SMAD6: variants seen among roughly 807,000 people sequenced by gnomAD.
SMAD6 encodes MAD homolog 6.
SMAD6 carries 103 observed loss-of-function variants against 39.4 expected under a neutral mutation model. The ratio of observed to expected loss-of-function variants is 2.62; its 90% CI spans 2.23 to 3.08. The LOEUF is 3.08. SMAD6 is among the 30% of genes most tolerant of loss of function. The pLI is 0.00. For synonymous variants in SMAD6, 445 were observed against 353.3 expected (o/e 1.26, Z -2.91); for missense variants, 1,104 against 742.9 (o/e 1.49, Z -5.65).
intron 3 of SMAD6, among the ~76,000 whole-genome samples, chr15:66,732,415 A>T (rs1893646425): frequency 6.6e-6 from 1 of 152,214 alleles, no homozygotes; most frequent in Non-Finnish European, 1.5e-5. Flanking sequence ...ACAGTGGTAC[A>T]GCCATGGCTC....
In SMAD6 at chr15:66,770,346, G is replaced by A. The variant is rs142962032; in HGVS notation, c.953-10651G>A. 8.5e-5 allele frequency among the ~76,000 whole-genome samples: 13 copies of A among 152,224 alleles called. No homozygotes were observed. The East Asian group carries it at 1.2e-3, about 14-fold the overall frequency. On this transcript the variant is annotated intron_variant, in intron 3 of 3. Transcript: ENST00000288840. ...GGCCCAGCCTGATGTAAGAACCGGC[G>A]CGGCCTGATGTAAGGCCGGTGCGGG...
At chr15:66,752,137 T>C (rs1291763921) in intron 3 of SMAD6, among the ~76,000 whole-genome samples, 2 of 151,368 alleles carry the variant, frequency 1.3e-5, no homozygotes, top group South Asian at 2.1e-4. Context: ...TTGCCCACTT[T>C]CAAGCTGAAG....
At chr15:66,778,655 G>A (rs1028432630) in intron 3 of SMAD6, among the ~76,000 whole-genome samples, 16 of 152,330 alleles carry the variant, frequency 1.1e-4, no homozygotes, top group African/African-American at 3.9e-4. Flanking sequence ...GAGGCTTAGG[G>A]AGGTAGAGGG....
intron 3 of SMAD6, among the ~76,000 whole-genome samples, chr15:66,764,061 A>T (rs1894249886): frequency 6.6e-6 from 1 of 152,250 alleles, no homozygotes; most frequent in Non-Finnish European, 1.5e-5. Context: ...GTTCAGGCTG[A>T]GTGAGTGGTG....
chr15:66,774,359 T>A (rs937300126), intron 3 of SMAD6, among the ~76,000 whole-genome samples: 3 of 152,188 alleles, frequency 2.0e-5, no homozygotes, highest in African/African-American at 7.2e-5. Context: ...TTGGTGTCCC[T>A]GCACCCCCAC....
At chr15:66,737,732 CAG>C (rs1400828543) in intron 3 of SMAD6, among the ~76,000 whole-genome samples, 1 of 151,996 alleles carries the variant, frequency 6.6e-6, no homozygotes, top group Non-Finnish European at 1.5e-5. Context: ...GCAAGTGAGC[CAG>C]GAAGTCATGC....
rs911652692 is a variant in SMAD6, at chr15:66,702,401, C to G, written c.-858C>G. On this transcript the variant is annotated 5_prime_UTR_variant, in exon 1 of 4. Transcript: ENST00000288840. The stretch of plus-strand genomic sequence containing the variant: ...CTGCCTCGCCAGACCTCGCTGGGAC[C>G]CCGGGGCCACCGGGAGGCACTTTTG... 5 of 151,736 alleles carry G rather than the reference C, an allele frequency of 3.3e-5. No homozygotes were observed. The highest frequency in any genetic ancestry group is 7.4e-5 in the Non-Finnish European group (5 of 67,878). The allele number at this position is 151,736 out of a possible 1,614,324, so 9.4% of individuals were successfully genotyped here.
intron 3 of SMAD6, among the ~76,000 whole-genome samples, chr15:66,753,338 C>T (rs1567108113): frequency 6.6e-6 from 1 of 152,220 alleles, no homozygotes; most frequent in Non-Finnish European, 1.5e-5. Flanking sequence ...ACCCCAGTCG[C>T]AGGGATCTGG....
chr15:66,740,895 C>A (rs1411232581), intron 3 of SMAD6: 1 of 152,186 alleles, frequency 6.6e-6, no homozygotes, highest in Non-Finnish European at 1.5e-5. Context: ...TTTCTGAGAT[C>A]CCTGGAGGGT....
At chr15:66,743,974 A>T (rs1466726919) in intron 3 of SMAD6, among the ~76,000 whole-genome samples, 2 of 152,044 alleles carry the variant, frequency 1.3e-5, no homozygotes, top group African/African-American at 4.8e-5. Flanking sequence ...AGAAACTATC[A>T]TAAAACATTG....
At chr15:66,754,811 G>T (rs1004849515) in intron 3 of SMAD6, among the ~76,000 whole-genome samples, 4 of 152,188 alleles carry the variant, frequency 2.6e-5, no homozygotes, top group Non-Finnish European at 4.4e-5. Flanking sequence ...AGGCAACAGT[G>T]AAAAGGACAG....
intron 3 of SMAD6, among the ~76,000 whole-genome samples, chr15:66,726,883 A>T (rs12898929): frequency 0.085 from 12,852 of 150,750 alleles, 615 homozygotes; most frequent in East Asian, 0.2. Context: ...TTTTTTTTTT[A>T]AATTCCCCAG....
At chr15:66,740,511 ACCTTGGGCAAATTCTTCAACCT>A (rs1893794766) in intron 3 of SMAD6, 1 of 151,960 alleles carries the variant, frequency 6.6e-6, no homozygotes, top group African/African-American at 2.4e-5. Context: ...TAGCTGTGTG[ACCTTGGGCAAATTCTTCAACCT>A]CTCTGAGTCT....
chr15:66,731,714 G>A (rs1232935524), intron 3 of SMAD6, among the ~76,000 whole-genome samples: 6 of 152,140 alleles, frequency 3.9e-5, no homozygotes, highest in Non-Finnish European at 4.4e-5. Context: ...TGTGAACATG[G>A]ATTTCAGTTC....
At chr15:66,746,575 A>T (rs1893913060) in intron 3 of SMAD6, among the ~76,000 whole-genome samples, 1 of 152,004 alleles carries the variant, frequency 6.6e-6, no homozygotes, top group Admixed American at 6.6e-5. Context: ...ATTAAAAGTC[A>T]CTCACTCATT....
chr15:66,769,015 A>G (rs1429833767), intron 3 of SMAD6, among the ~76,000 whole-genome samples: 3 of 152,202 alleles, frequency 2.0e-5, no homozygotes, highest in Non-Finnish European at 4.4e-5. Context: ...GGGCTGAGGA[A>G]GGCTTTCCAA....
chr15:66,719,877 A>G (rs1198759280), intron 3 of SMAD6, among the ~76,000 whole-genome samples: 1 of 152,110 alleles, frequency 6.6e-6, no homozygotes, highest in Non-Finnish European at 1.5e-5. Flanking sequence ...TAAACAGTGT[A>G]GAGGGGGCAA....
At chr15:66,712,688 CAAAAAAAAAAAAAA>C (rs775687604) in intron 2 of SMAD6, among the ~76,000 whole-genome samples, 1 of 49,328 alleles carries the variant, frequency 2.0e-5, no homozygotes, top group African/African-American at 7.1e-5. Flanking sequence ...AATTCTGTCT[CAAAAAAAAAAAAAA>C]AAAAAAAAAG....
At chr15:66,738,240 G>T (rs376097304) in intron 3 of SMAD6, among the ~76,000 whole-genome samples, 1 of 152,174 alleles carries the variant, frequency 6.6e-6, no homozygotes, top group African/African-American at 2.4e-5. Context: ...ACGCTTGTGG[G>T]CCAGGCAATC....
Sources: allele counts gnomAD v4.1 joint callset (sites outside exome capture counted in the v4.1 genomes callset), GRCh38; gene constraint gnomAD v4.1.1; transcripts MANE v1.5; gene names NCBI Gene and HGNC (gene_info 2026-07-23, HGNC 2026-07-21).